Variants in DSCAM observed in about 807,000 individuals in gnomAD.
DSCAM encodes cell adhesion molecule DSCAM.
In DSCAM, 47 loss-of-function variants were observed where a neutral mutation model predicts 217.7. That is an observed-to-expected ratio of 0.22 (90% CI 0.17 to 0.28). DSCAM has a LOEUF of 0.28. Ranked by LOEUF, DSCAM falls within the 10% of genes least tolerant of loss-of-function variation. DSCAM has a pLI of 1.00. For synonymous variants in DSCAM, 1,056 were observed against 1,015.3 expected, an observed-to-expected ratio of 1.04 and a Z score of -0.76; for missense variants, 2,080 against 2,618.3, an observed-to-expected ratio of 0.79 and a Z score of 4.49.
At chr21:40,145,205 GT>G (rs1402105630) in intron 16 of DSCAM, among the ~76,000 whole-genome samples, 1 of 152,204 alleles carries the variant, frequency 6.6e-6, no homozygotes, top group East Asian at 1.9e-4. Context: ...TCGCTGCTGT[GT>G]GCCAGGCCTT....
intron 15 of DSCAM, among the ~76,000 whole-genome samples, chr21:40,169,141 C>A (rs1279450757): frequency 6.6e-6 from 1 of 151,946 alleles, no homozygotes; most frequent in African/African-American, 2.4e-5. Context: ...GTGAGTGGGG[C>A]AAAGGAACAA....
chr21:40,483,902 T>C (rs55681949), intron 3 of DSCAM, among the ~76,000 whole-genome samples: 20,166 of 152,274 alleles, frequency 0.13, 1,414 homozygotes, highest in Middle Eastern at 0.19. Flanking sequence ...GTTAAAACTC[T>C]AGATGTTTAA....
intron 3 of DSCAM, among the ~76,000 whole-genome samples, chr21:40,595,974 T>G (rs889909601): frequency 6.6e-6 from 1 of 152,208 alleles, no homozygotes. Context: ...TGAGTGCATG[T>G]GCGTGTCTGG....
intron 3 of DSCAM, among the ~76,000 whole-genome samples, chr21:40,612,028 C>T (rs2089322533): frequency 1.3e-5 from 2 of 152,166 alleles, no homozygotes; most frequent in Non-Finnish European, 1.5e-5. Flanking sequence ...GAGCAGGACT[C>T]AGAGAGCACA....
chr21:40,196,774 T>C (rs1320338630), intron 11 of DSCAM, among the ~76,000 whole-genome samples: 2 of 152,164 alleles, frequency 1.3e-5, no homozygotes, highest in African/African-American at 4.8e-5. Context: ...TTATGAGTGT[T>C]GACTGTGTGC....
chr21:40,028,548 G>A (rs1055231646), intron 32 of DSCAM, among the ~76,000 whole-genome samples: 26 of 152,166 alleles, frequency 1.7e-4, no homozygotes, highest in Admixed American at 3.9e-4. Context: ...ATATAATCTC[G>A]TGGTGCGCCA....
chr21:40,390,641 T>C (rs147207557), intron 3 of DSCAM, among the ~76,000 whole-genome samples: 2 of 152,226 alleles, frequency 1.3e-5, no homozygotes, highest in Non-Finnish European at 2.9e-5. Context: ...TCTTCCCTTC[T>C]CTCTCCCAGC....
At chr21:40,220,980 T>C (rs2091284679) in intron 11 of DSCAM, among the ~76,000 whole-genome samples, 1 of 152,148 alleles carries the variant, frequency 6.6e-6, no homozygotes, top group Admixed American at 6.5e-5. Flanking sequence ...TCCTAGGAGG[T>C]AGCTTTGTAT....
chr21:40,490,741 C>T (rs990454476), intron 3 of DSCAM, among the ~76,000 whole-genome samples: 1 of 152,160 alleles, frequency 6.6e-6, no homozygotes, highest in Non-Finnish European at 1.5e-5. Flanking sequence ...CACATTCTCT[C>T]CCACTGTCCT....
intron 3 of DSCAM, among the ~76,000 whole-genome samples, chr21:40,519,019 A>G (rs2076337769): frequency 6.6e-6 from 1 of 152,188 alleles, no homozygotes; most frequent in Non-Finnish European, 1.5e-5. Context: ...TATACCAAGC[A>G]TAAAAGTGGT....
chr21:40,119,480 C>T (rs1017417689), intron 20 of DSCAM, among the ~76,000 whole-genome samples: 3 of 151,990 alleles, frequency 2.0e-5, no homozygotes, highest in African/African-American at 7.2e-5. Flanking sequence ...ACTGACGGTT[C>T]TCTAAGATTG....
intron 1 of DSCAM, among the ~76,000 whole-genome samples, chr21:40,781,289 G>A (rs962490174): frequency 1.3e-5 from 2 of 152,084 alleles, no homozygotes; most frequent in African/African-American, 4.8e-5. Flanking sequence ...CCAAGTGCTG[G>A]GATTACAAGC....
chr21:40,819,150 C>T (rs2091907060), intron 1 of DSCAM, among the ~76,000 whole-genome samples: 1 of 152,152 alleles, frequency 6.6e-6, no homozygotes, highest in South Asian at 2.1e-4. Context: ...GAACACAAAG[C>T]TGATTATTTT....
chr21:40,399,229 C>T (rs1428517736), intron 3 of DSCAM, among the ~76,000 whole-genome samples: 2 of 152,124 alleles, frequency 1.3e-5, no homozygotes, highest in Non-Finnish European at 2.9e-5. Flanking sequence ...ATGACTGTGC[C>T]ACTGCACTTC....
At chr21:40,186,044 G>A (rs556153745) in intron 14 of DSCAM, among the ~76,000 whole-genome samples, 40 of 152,308 alleles carry the variant, frequency 2.6e-4, no homozygotes, top group Non-Finnish European at 4.7e-4. Context: ...TTCCAACCCA[G>A]CAGTCACAGA....
At chr21:40,285,277 C>G (rs2073810760) in intron 10 of DSCAM, among the ~76,000 whole-genome samples, 1 of 152,198 alleles carries the variant, frequency 6.6e-6, no homozygotes, top group Non-Finnish European at 1.5e-5. Context: ...TTCCCTGGAG[C>G]AAGAGCCCCC....
chr21:40,105,619 G>T (rs150863320), intron 20 of DSCAM, among the ~76,000 whole-genome samples: 15 of 152,268 alleles, frequency 9.9e-5, no homozygotes, highest in Non-Finnish European at 2.2e-4. Context: ...TGAACTGTAA[G>T]TCAATTAAAC....
At chr21:40,365,696 A>G (rs2074824527) in intron 4 of DSCAM, among the ~76,000 whole-genome samples, 1 of 152,158 alleles carries the variant, frequency 6.6e-6, no homozygotes, top group Admixed American at 6.5e-5. Context: ...AATCTCCTCT[A>G]AAACTGTCCC....
chr21:40,378,365 G>A (rs2074983949), intron 3 of DSCAM, among the ~76,000 whole-genome samples: 2 of 151,982 alleles, frequency 1.3e-5, no homozygotes, highest in Non-Finnish European at 2.9e-5. Flanking sequence ...ACCTCTATAG[G>A]TGGGCATGTA....
Sources: gnomAD v4.1 joint callset for allele counts (sites outside exome capture counted in the v4.1 genomes callset) on GRCh38, gnomAD v4.1.1 for gene constraint, MANE v1.5 for transcripts, NCBI Gene and HGNC (gene_info 2026-07-23, HGNC 2026-07-21) for gene names.